The following SEMA3A variants were observed in gnomAD, a reference collection of about 807,000 sequenced individuals.
The protein encoded by SEMA3A is semaphorin-3A.
Under a neutral mutation model 97.9 loss-of-function variants are expected in SEMA3A, and 29 were observed. The observed-to-expected ratio is 0.30, with a 90% confidence interval of 0.22 to 0.40. SEMA3A has a LOEUF of 0.40. SEMA3A is among the 10% of genes least tolerant of loss of function. SEMA3A has a pLI of 1.00. For missense variants in SEMA3A, 763 were observed against 951.3 expected (o/e 0.80, Z 2.60); for synonymous variants, 321 against 323.7 (o/e 0.99, Z 0.09).
intron 1 of SEMA3A, among the ~76,000 whole-genome samples, chr7:84,398,704 A>G (rs1360311057): frequency 6.6e-6 from 1 of 152,086 alleles, no homozygotes; most frequent in African/African-American, 2.4e-5. Context: ...GCTACTCAGG[A>G]GGCTGAGGAA....
chr7:84,000,313 G>A (rs558739005), intron 12 of SEMA3A, among the ~76,000 whole-genome samples: 1 of 152,124 alleles, frequency 6.6e-6, no homozygotes, highest in South Asian at 2.1e-4. Context: ...TGATAAATTA[G>A]ATCACATTGA....
chr7:84,223,462 C>CT (rs1798924745), intron 3 of SEMA3A, among the ~76,000 whole-genome samples: 1 of 151,782 alleles, frequency 6.6e-6, no homozygotes, highest in Admixed American at 6.6e-5. Context: ...GATAGAATCT[C>CT]TTTTTAATAT....
At chr7:84,430,787 A>ATT (rs1554385601) in intron 1 of SEMA3A, among the ~76,000 whole-genome samples, 7 of 125,668 alleles carry the variant, frequency 5.6e-5, no homozygotes, top group African/African-American at 2.0e-4. Context: ...ACAACATAAA[A>ATT]TTTGTGTGTG....
At chr7:84,023,429 T>C (rs1190883357) in intron 6 of SEMA3A, among the ~76,000 whole-genome samples, 2 of 152,192 alleles carry the variant, frequency 1.3e-5, no homozygotes, top group African/African-American at 4.8e-5. Context: ...TTGGGGTATC[T>C]GTAAATTTAA....
intron 2 of SEMA3A, among the ~76,000 whole-genome samples, chr7:84,337,527 G>T (rs568712919): frequency 6.6e-6 from 1 of 152,046 alleles, no homozygotes; most frequent in African/African-American, 2.4e-5. Flanking sequence ...ATCCCAAGCC[G>T]CAGAAGACTA....
chr7:84,273,341 T>C (rs1800201676), intron 3 of SEMA3A, among the ~76,000 whole-genome samples: 1 of 152,134 alleles, frequency 6.6e-6, no homozygotes. Context: ...ACTAGTCTCC[T>C]AGAATATTAA....
At position 84,129,193 on chromosome 7, in the gene SEMA3A, C is replaced by A. The variant is rs1443795104; in HGVS notation, c.271-8G>T. On this transcript the variant is annotated splice_polypyrimidine_tract_variant and splice_region_variant and intron_variant, in intron 2 of 16. Coordinates refer to ENST00000265362, the MANE Select transcript of SEMA3A (RefSeq NM_006080.3). ...AGATACTGGCCACACAATCTAAGGACAGAGAATAAACATTGTTTTATGTCA... is the reference window on the plus strand; with the variant it reads ...AGATACTGGCCACACAATCTAAGGAAAGAGAATAAACATTGTTTTATGTCA... 1.2e-6 allele frequency: 2 copies of A among 1,610,274 alleles called. No individual in the cohort carries two copies. The highest frequency in any genetic ancestry group is 4.5e-5 in the East Asian group (2 of 44,814).
chr7:83,972,715 T>C (rs769408647), intron 15 of SEMA3A, among the ~76,000 whole-genome samples: 12 of 152,106 alleles, frequency 7.9e-5, no homozygotes, highest in Non-Finnish European at 1.5e-4. Flanking sequence ...AATCTTAGTT[T>C]GTAACAGTTA....
At chr7:84,101,910 AAT>A (rs1344790249) in intron 4 of SEMA3A, among the ~76,000 whole-genome samples, 1 of 151,992 alleles carries the variant, frequency 6.6e-6, no homozygotes, top group Non-Finnish European at 1.5e-5. Flanking sequence ...AAATAATGTC[AAT>A]GTTATTAATA....
chr7:84,312,917 T>TACAC (rs1220435467), intron 2 of SEMA3A, among the ~76,000 whole-genome samples: 107 of 38,218 alleles, frequency 2.8e-3, no homozygotes, highest in African/African-American at 4.1e-3. Flanking sequence ...TATATATATA[T>TACAC]ATATACACAC....
chr7:84,008,490 C>CAAAAAAAA (rs752729583), intron 9 of SEMA3A, among the ~76,000 whole-genome samples: 2 of 81,198 alleles, frequency 2.5e-5, no homozygotes, highest in African/African-American at 8.4e-5. Context: ...GACTCCGTCT[C>CAAAAAAAA]AAAAAAAAAA....
chr7:84,025,614 T>C (rs774735868), intron 6 of SEMA3A, among the ~76,000 whole-genome samples: 5 of 137,408 alleles, frequency 3.6e-5, no homozygotes, highest in African/African-American at 1.3e-4. Context: ...GCTGGGAAAC[T>C]GTGAATAGCC....
intron 1 of SEMA3A, among the ~76,000 whole-genome samples, chr7:84,191,443 T>C (rs1798035662): frequency 6.6e-6 from 1 of 151,696 alleles, no homozygotes; most frequent in Non-Finnish European, 1.5e-5. Context: ...AATAGCCCCT[T>C]ACATTGGATG....
At chr7:84,313,396 ATATATAT>A (rs1562898827) in intron 2 of SEMA3A, among the ~76,000 whole-genome samples, 5 of 117,898 alleles carry the variant, frequency 4.2e-5, no homozygotes, top group African/African-American at 1.5e-4. Context: ...ATATATATAT[ATATATAT>A]ATAAACTATA....
intron 3 of SEMA3A, among the ~76,000 whole-genome samples, chr7:84,253,606 G>A (rs1349121136): frequency 6.6e-6 from 1 of 152,062 alleles, no homozygotes; most frequent in Non-Finnish European, 1.5e-5. Flanking sequence ...TAATACAGGG[G>A]GTGCAAAGTT....
chr7:84,282,754 C>T (rs2115749723), intron 3 of SEMA3A, among the ~76,000 whole-genome samples: 1 of 152,268 alleles, frequency 6.6e-6, no homozygotes, highest in East Asian at 1.9e-4. Flanking sequence ...TGGCTCATGC[C>T]TGTAATCCCA....
chr7:84,231,748 G>A (rs538383775), intron 3 of SEMA3A, among the ~76,000 whole-genome samples: 1 of 140,874 alleles, frequency 7.1e-6, no homozygotes, highest in African/African-American at 2.5e-5. Context: ...TCCTTTGGCT[G>A]ATCTTTACTA....
chr7:84,406,805 T>C (rs1279915186), intron 1 of SEMA3A, among the ~76,000 whole-genome samples: 1 of 152,150 alleles, frequency 6.6e-6, no homozygotes, highest in Non-Finnish European at 1.5e-5. Context: ...AAAAACCACA[T>C]GATTATCTCA....
chr7:84,438,384 C>T (rs947936564), intron 1 of SEMA3A, among the ~76,000 whole-genome samples: 6 of 152,066 alleles, frequency 3.9e-5, no homozygotes, highest in Non-Finnish European at 5.9e-5. Flanking sequence ...CCCACCACTT[C>T]AAGAAACCAG....
Sources: allele counts gnomAD v4.1 joint callset (sites outside exome capture counted in the v4.1 genomes callset), GRCh38; gene constraint gnomAD v4.1.1; transcripts MANE v1.5; gene names NCBI Gene and HGNC (gene_info 2026-07-23, HGNC 2026-07-21).